Variants in KCNT1 observed in about 807,000 individuals in gnomAD.
KCNT1 encodes potassium sodium-activated channel subfamily T member 1.
KCNT1 carries 78 observed loss-of-function variants against 147.8 expected under a neutral mutation model. That is an observed-to-expected ratio of 0.53 (90% CI 0.44 to 0.64). The LOEUF (loss-of-function observed/expected upper bound fraction) is 0.64. Ranked by LOEUF, KCNT1 falls within the 30% of genes least tolerant of loss-of-function variation. The pLI, the probability that KCNT1 is intolerant of heterozygous loss-of-function variation, is 0.00. For missense variants in KCNT1, 1,419 were observed against 1,750.3 expected, an observed-to-expected ratio of 0.81 and a Z score of 3.38; for synonymous variants, 867 against 748.8, an observed-to-expected ratio of 1.16 and a Z score of -2.58.
At position 135,714,548 on chromosome 9, in the gene KCNT1, G is replaced by A. The variant is rs780527841; in HGVS notation, c.111-29G>A. On this transcript the variant is annotated intron_variant, in intron 1 of 30. Transcript: ENST00000371757. This position sits in a 1 kb window ranked among gnomAD's most constrained non-coding sequence, Gnocchi z 6.2. The stretch of plus-strand genomic sequence containing the variant: ...CGCGTCCGCGAGGGCGCCCGACGCG[G>A]GCTGAGGGGCGCTGGCGTGTGCCCG... The A allele has an allele frequency of 1.3e-5, 14 of 1,089,964 alleles. No homozygotes were observed. The South Asian group carries it at 4.3e-4, about 34-fold the overall frequency. 67.5% of individuals were successfully genotyped at this position (1,089,964 alleles called of 1,614,324 possible).
chr9:135,767,178 C>A (rs1832346150), intron 13 of KCNT1, among the ~76,000 whole-genome samples: 1 of 152,154 alleles, frequency 6.6e-6, no homozygotes. Context: ...GTCCAGAGCC[C>A]CAAGCTGGAA....
intron 2 of KCNT1, among the ~76,000 whole-genome samples, chr9:135,732,728 T>A (rs1830152257): frequency 6.6e-6 from 1 of 151,536 alleles, no homozygotes; most frequent in South Asian, 2.1e-4. Context: ...GGCCGGGTTC[T>A]TTGTCTGCTG....
chr9:135,727,937 T>C (rs1360468977), intron 2 of KCNT1, among the ~76,000 whole-genome samples: 2 of 152,218 alleles, frequency 1.3e-5, no homozygotes. Flanking sequence ...GGGGAGGCCA[T>C]CCTGGCCCAA....
intron 27 of KCNT1, 70 bp from the exon 28 acceptor site, chr9:135,785,240 C>T (rs1478729472): frequency 1.9e-6 from 3 of 1,597,946 alleles, no homozygotes. Context: ...CCGTGCAGAC[C>T]CCAGGCTGAG....
intron 2 of KCNT1, among the ~76,000 whole-genome samples, chr9:135,732,929 C>T (rs540487741): frequency 2.8e-4 from 42 of 152,030 alleles, no homozygotes; most frequent in Non-Finnish European, 5.7e-4. Flanking sequence ...CAGACAGTGA[C>T]CAAAGTCAGG....
At chr9:135,775,217 G>C (rs974950796) in intron 19 of KCNT1, 93 bp from the exon 20 acceptor site, 6 of 847,960 alleles carry the variant, frequency 7.1e-6, no homozygotes, top group African/African-American at 3.5e-5. Context: ...GGGTGGAGTG[G>C]GTGCCCTCGA....
At chr9:135,758,006 A>G (rs1005414979) in intron 9 of KCNT1, among the ~76,000 whole-genome samples, 9 of 151,716 alleles carry the variant, frequency 5.9e-5, no homozygotes, top group Admixed American at 6.6e-5. Context: ...CAAGATGGGG[A>G]CCCGTCCTGA....
intron 29 of KCNT1, among the ~76,000 whole-genome samples, chr9:135,787,782 G>A (rs756042000): frequency 3.9e-5 from 6 of 152,204 alleles, no homozygotes; most frequent in Admixed American, 6.5e-5. Flanking sequence ...GGGACTTCAC[G>A]CCCTTTCAGG....
intron 24 of KCNT1, among the ~76,000 whole-genome samples, chr9:135,783,808 G>A (rs1203096129): frequency 6.6e-6 from 1 of 152,252 alleles, no homozygotes; most frequent in Non-Finnish European, 1.5e-5. Flanking sequence ...CTGGCCCTGA[G>A]TGTGTCTGGG....
In KCNT1 at chr9:135,792,432, C is replaced by T. The variant is rs890578469; in HGVS notation, c.*271C>T. The T allele has an allele frequency of 1.9e-5, 6 of 316,608 alleles. No homozygotes were observed. The highest frequency in any genetic ancestry group is 8.7e-5 in the African/African-American group (4 of 45,734). 19.6% of individuals were successfully genotyped at this position (316,608 alleles called of 1,614,324 possible). ...CTCTTTACACAGATGTACCGCAACT[C>T]GTGACCAGGGCTGGCTGGGAGGGCA... is the stretch of plus-strand genomic sequence containing the variant. On this transcript the variant is annotated 3_prime_UTR_variant, in exon 31 of 31. Transcript: ENST00000371757.
intron 28 of KCNT1, 22 bp from the exon 29 acceptor site, chr9:135,786,175 T>C (rs190197445): frequency 7.4e-4 from 477 of 643,016 alleles, no homozygotes; most frequent in Non-Finnish European, 9.4e-4. Context: ...CTCCCCGCCC[T>C]GCCCTGCCCT....
At chr9:135,776,333 C>T (rs1833169235) in intron 20 of KCNT1, among the ~76,000 whole-genome samples, 2 of 152,182 alleles carry the variant, frequency 1.3e-5, no homozygotes, top group African/African-American at 4.8e-5. Flanking sequence ...TCATAGCTCA[C>T]TACAGCCTCC....
chr9:135,772,724 C>T lies in KCNT1; in HGVS notation c.2018C>T (p.Ala673Val). The change falls in exon 19 of 31, where the codon GCC (alanine) becomes GTC (valine). Residue 673 changes from alanine (A) to valine (V), a missense_variant. Ala to Val is a moderately conservative substitution (Grantham distance 64). Transcript: ENST00000371757. ...HSIIASMGTVAMDLQGTEHRP... is the reference protein window; with the variant it reads ...HSIIASMGTVVMDLQGTEHRP... Reference sequence around the variant, plus strand: ...CAGGGCTCTCTTCCAGGGACAGTGGCCATGGACCTGCAGGGCACAGAGCAC... The same window carrying T: ...CAGGGCTCTCTTCCAGGGACAGTGGTCATGGACCTGCAGGGCACAGAGCAC... 7.1e-7 allele frequency: 1 copy of T among 1,404,456 alleles called. No individual in the cohort carries two copies. Among genetic ancestry groups the T allele is most frequent in the Non-Finnish European group, 9.3e-7 (1 of 1,075,998 alleles). The allele number at this position is 1,404,456 out of a possible 1,614,324, so 87.0% of individuals were successfully genotyped here.
chr9:135,768,503 G>A, intron 13 of KCNT1, 107 bp from the exon 14 acceptor site: 3 of 767,918 alleles, frequency 3.9e-6, no homozygotes, highest in Non-Finnish European at 6.5e-6. Flanking sequence ...TGCACCTGCT[G>A]CACCAGCCTC....
chr9:135,793,722 A>G lies in KCNT1; in HGVS notation c.*1561A>G, dbSNP rs560681577. On this transcript the variant is annotated 3_prime_UTR_variant, in exon 31 of 31. Transcript: ENST00000371757. ...AGTCCCTTACTCCCGGCCTGTCTGG[A>G]ACCCTCCTGCTCAGAAGGTGCCCAC... 2 of 152,450 alleles carry G rather than the reference A, an allele frequency of 1.3e-5. No individual in the cohort carries two copies. The highest frequency in any genetic ancestry group is 4.8e-5 in the African/African-American group (2 of 41,566). 9.4% of individuals were successfully genotyped at this position (152,450 alleles called of 1,614,324 possible). A position where few individuals can be genotyped will look rare whatever the true frequency, so the allele number is the denominator to read the frequency against.
chr9:135,776,280 C>T (rs752371553), intron 20 of KCNT1, among the ~76,000 whole-genome samples: 88 of 151,972 alleles, frequency 5.8e-4, no homozygotes, highest in Non-Finnish European at 1.1e-3. Flanking sequence ...TTTTTTAAGA[C>T]GGGGTCCCAC....
rs550099144 is a variant in KCNT1, at chr9:135,785,110, C to T, written c.3157-200C>T. Among the ~76,000 whole-genome samples, 7 of 152,318 alleles carry T rather than the reference C, an allele frequency of 4.6e-5. No individual in the cohort carries two copies. In the East Asian group the frequency reaches 1.4e-3, roughly 29 times the overall value. On this transcript the variant is annotated intron_variant, in intron 27 of 30. Coordinates refer to ENST00000371757, the MANE Select transcript of KCNT1 (RefSeq NM_020822.3). ...CCACGTGTAGCGCTTCCAGCTGGAG[C>T]AGCCATGACCCCTACCGGGGGCAGA...
intron 6 of KCNT1, among the ~76,000 whole-genome samples, chr9:135,756,581 C>T (rs1162106959): frequency 2.0e-5 from 3 of 152,220 alleles, no homozygotes; most frequent in African/African-American, 7.2e-5. Context: ...TAGCCGCTCT[C>T]TGGTGTCTTC....
At chr9:135,777,596 G>C in intron 21 of KCNT1, 86 bp downstream of exon 21, 1 of 1,340,168 alleles carries the variant, frequency 7.5e-7, no homozygotes, top group Non-Finnish European at 1.0e-6. Flanking sequence ...CCCACCCTTC[G>C]CCTTTGCAGA....
Sources: allele counts gnomAD v4.1 joint callset (sites outside exome capture counted in the v4.1 genomes callset), GRCh38; gene constraint gnomAD v4.1.1; non-coding constraint Gnocchi (gnomAD v3.1); transcripts MANE v1.5; gene names NCBI Gene and HGNC (gene_info 2026-07-23, HGNC 2026-07-21).